VPS13B: variants seen among roughly 807,000 people sequenced by gnomAD.
VPS13B encodes the protein vacuolar protein sorting 13 homolog B.
A neutral mutation model predicts 426.4 loss-of-function variants in VPS13B; 285 were observed. The ratio of observed to expected loss-of-function variants is 0.67; its 90% CI spans 0.61 to 0.74. The LOEUF is 0.74. VPS13B is among the 30% of genes least tolerant of loss of function. The pLI is 0.00. For missense variants in VPS13B, 4,537 were observed against 4,782.6 expected (o/e 0.95, Z 1.51); for synonymous variants, 1,676 against 1,676.4 (o/e 1.00, Z 0.01).
intron 28 of VPS13B, chr8:99,507,827 T>C (rs1455372294): frequency 6.2e-7 from 1 of 1,614,042 alleles, no homozygotes; most frequent in Non-Finnish European, 8.5e-7. Flanking sequence ...TTTCCTGTAC[T>C]GACAAGCTGA....
At chr8:99,417,743 A>C (rs1276413248) in intron 21 of VPS13B, among the ~76,000 whole-genome samples, 2 of 151,960 alleles carry the variant, frequency 1.3e-5, no homozygotes, top group East Asian at 3.9e-4. Context: ...CTTTCTCATT[A>C]TCTCTCTACT....
At chr8:99,316,299 C>T (rs1468096124) in intron 19 of VPS13B, among the ~76,000 whole-genome samples, 4 of 151,992 alleles carry the variant, frequency 2.6e-5, no homozygotes, top group Admixed American at 6.6e-5. Context: ...TTAGTGGCAG[C>T]GGAGGGCAGG....
chr8:99,229,558 A>C (rs1403078362), intron 17 of VPS13B, among the ~76,000 whole-genome samples: 1 of 152,214 alleles, frequency 6.6e-6, no homozygotes, highest in Non-Finnish European at 1.5e-5. Context: ...TATGGGTGAT[A>C]GGAACAAAAC....
At chr8:99,654,597 G>A (rs938354864) in intron 34 of VPS13B, among the ~76,000 whole-genome samples, 8 of 152,194 alleles carry the variant, frequency 5.3e-5, no homozygotes, top group African/African-American at 1.9e-4. Context: ...AGAAGTGACT[G>A]TTCTGATAGT....
At chr8:99,447,434 C>G (rs956948443) in intron 23 of VPS13B, among the ~76,000 whole-genome samples, 2 of 152,156 alleles carry the variant, frequency 1.3e-5, no homozygotes, top group Non-Finnish European at 2.9e-5. Context: ...AATATTCTAG[C>G]CATTTGCATG....
chr8:99,404,729 T>C (rs377675125), intron 21 of VPS13B, among the ~76,000 whole-genome samples: 28 of 152,144 alleles, frequency 1.8e-4, no homozygotes, highest in African/African-American at 6.3e-4. Context: ...GAAGGTATAG[T>C]ATATAAACCA....
chr8:99,176,977 T>C (rs2132682267), intron 16 of VPS13B, among the ~76,000 whole-genome samples: 1 of 152,304 alleles, frequency 6.6e-6, no homozygotes, highest in South Asian at 2.1e-4. Context: ...AGTCAGCAGA[T>C]GAGTTTCCTA....
At chr8:99,283,530 T>C (rs550220926) in intron 19 of VPS13B, among the ~76,000 whole-genome samples, 1 of 152,150 alleles carries the variant, frequency 6.6e-6, no homozygotes, top group African/African-American at 2.4e-5. Context: ...ATTTTTGTAA[T>C]TTTGGAGTTT....
chr8:99,379,345 T>C (rs1481324936), intron 19 of VPS13B, among the ~76,000 whole-genome samples: 1 of 152,220 alleles, frequency 6.6e-6, no homozygotes, highest in Non-Finnish European at 1.5e-5. Context: ...AGTTACATTT[T>C]TTTTTGGCGG....
chr8:99,743,737 A>G (rs1448269034), intron 39 of VPS13B, among the ~76,000 whole-genome samples: 1 of 152,210 alleles, frequency 6.6e-6, no homozygotes, highest in Non-Finnish European at 1.5e-5. Context: ...AGGATTCCCT[A>G]TTTAATAAAT....
intron 19 of VPS13B, among the ~76,000 whole-genome samples, chr8:99,358,035 CCA>C (rs1554751597): frequency 6.8e-6 from 1 of 147,868 alleles, no homozygotes; most frequent in Admixed American, 6.7e-5. Flanking sequence ...CACACACACA[CCA>C]CACACACTTA....
intron 39 of VPS13B, among the ~76,000 whole-genome samples, chr8:99,729,892 T>A (rs571389890): frequency 6.6e-6 from 1 of 152,328 alleles, no homozygotes; most frequent in South Asian, 2.1e-4. Context: ...CTGCTTTAAA[T>A]TTGACTTTAC....
chr8:99,821,080 T>C (rs1432187339), intron 49 of VPS13B, among the ~76,000 whole-genome samples: 1 of 104,852 alleles, frequency 9.5e-6, no homozygotes, highest in East Asian at 2.7e-4. Context: ...GGAGCCAAAA[T>C]AGAATGTACG....
At chr8:99,209,801 A>G in intron 17 of VPS13B, 1 of 850,922 alleles carries the variant, frequency 1.2e-6, no homozygotes, top group Non-Finnish European at 1.4e-6. Context: ...AGTCTCAAAG[A>G]GAAATTACAT....
intron 19 of VPS13B, among the ~76,000 whole-genome samples, chr8:99,353,082 A>G (rs117154599): frequency 0.038 from 5,699 of 151,912 alleles, 155 homozygotes; most frequent in Non-Finnish European, 0.054. Flanking sequence ...CCTAGATTCA[A>G]GCAATTCTTG....
intron 17 of VPS13B, among the ~76,000 whole-genome samples, chr8:99,247,188 T>A (rs1047597060): frequency 6.6e-6 from 1 of 152,126 alleles, no homozygotes; most frequent in South Asian, 2.1e-4. Context: ...ATTTTTTTTT[T>A]AACTCCTTCT....
At chr8:99,850,200 C>T (rs971389363) in intron 55 of VPS13B, among the ~76,000 whole-genome samples, 3 of 127,314 alleles carry the variant, frequency 2.4e-5, no homozygotes, top group African/African-American at 6.2e-5. Flanking sequence ...TACATAAGTA[C>T]GCATGTATGT....
chr8:99,463,930 G>A (rs1426535438), intron 23 of VPS13B, among the ~76,000 whole-genome samples: 1 of 152,072 alleles, frequency 6.6e-6, no homozygotes, highest in Non-Finnish European at 1.5e-5. Flanking sequence ...CTCGACCTCA[G>A]GTGATCTGCC....
chr8:99,788,517 C>T (rs959735025), intron 43 of VPS13B, among the ~76,000 whole-genome samples: 1 of 151,484 alleles, frequency 6.6e-6, no homozygotes, highest in Admixed American at 6.6e-5. Context: ...TACTTTAAAG[C>T]AGAGGTGGCA....
Sources: allele counts gnomAD v4.1 joint callset (sites outside exome capture counted in the v4.1 genomes callset), GRCh38; gene constraint gnomAD v4.1.1; transcripts MANE v1.5; gene names NCBI Gene and HGNC (gene_info 2026-07-23, HGNC 2026-07-21).